NEGR1: variants seen among roughly 807,000 people sequenced by gnomAD.
The protein encoded by NEGR1 is IgLON family member 4.
NEGR1 carries 10 observed loss-of-function variants against 40.9 expected under a neutral mutation model. The ratio of observed to expected loss-of-function variants is 0.24; its 90% CI spans 0.15 to 0.42. The LOEUF is 0.42. NEGR1 is among the 10% of genes least tolerant of loss of function. The probability of loss-of-function intolerance (pLI) is 1.00; values close to 1 mark genes in which losing one functional copy is unlikely to be tolerated. For missense variants in NEGR1, 352 were observed against 438.9 expected (o/e 0.80, Z 1.77); for synonymous variants, 185 against 166.8 (o/e 1.11, Z -0.84).
intron 2 of NEGR1, among the ~76,000 whole-genome samples, chr1:71,800,805 T>C (rs1657528420): frequency 6.6e-6 from 1 of 152,160 alleles, no homozygotes; most frequent in South Asian, 2.1e-4. Context: ...TTTACCTTAA[T>C]TAGATCATTC....
At chr1:71,427,695 G>GTA (rs1646437302) in intron 6 of NEGR1, among the ~76,000 whole-genome samples, 1 of 152,142 alleles carries the variant, frequency 6.6e-6, no homozygotes, top group African/African-American at 2.4e-5. Context: ...TTTGTTAAGT[G>GTA]AGAATGCTAT....
intron 6 of NEGR1, among the ~76,000 whole-genome samples, chr1:71,434,919 G>A (rs867300105): frequency 3.4e-4 from 52 of 152,242 alleles, no homozygotes; most frequent in African/African-American, 9.6e-4. Context: ...GTGAAACCCC[G>A]TCTCTACTAA....
intron 1 of NEGR1, among the ~76,000 whole-genome samples, chr1:72,117,687 G>A (rs2100283154): frequency 6.6e-6 from 1 of 151,836 alleles, no homozygotes; most frequent in African/African-American, 2.4e-5. Context: ...CCCAGAGCCA[G>A]ACATTTATTC....
chr1:72,070,202 A>C (rs939080050), intron 1 of NEGR1, among the ~76,000 whole-genome samples: 1 of 152,078 alleles, frequency 6.6e-6, no homozygotes, highest in Non-Finnish European at 1.5e-5. Flanking sequence ...TTTAAATATA[A>C]TCTACAAAGG....
chr1:72,074,189 T>G (rs186567537), intron 1 of NEGR1, among the ~76,000 whole-genome samples: 1 of 152,092 alleles, frequency 6.6e-6, no homozygotes, highest in East Asian at 1.9e-4. Context: ...TGTTATTAGC[T>G]CCAAAACTGA....
At chr1:71,460,880 G>A (rs1459823701) in intron 6 of NEGR1, among the ~76,000 whole-genome samples, 4 of 151,874 alleles carry the variant, frequency 2.6e-5, no homozygotes, top group Admixed American at 2.0e-4. Context: ...ATATATTAAC[G>A]ATAAAAATAA....
intron 4 of NEGR1, among the ~76,000 whole-genome samples, chr1:71,686,775 G>T (rs1341116082): frequency 6.6e-6 from 1 of 152,156 alleles, no homozygotes; most frequent in Non-Finnish European, 1.5e-5. Flanking sequence ...GACTCCTAAA[G>T]AATTCACAAA....
rs571563923 is a variant in NEGR1, at chr1:72,089,443, C to T, written c.177-154132G>A. Among the ~76,000 whole-genome samples the T allele has an allele frequency of 3.3e-5, 5 of 152,236 alleles. No individual in the cohort carries two copies. In the East Asian group the frequency reaches 9.6e-4, roughly 29 times the overall value. On this transcript the variant is annotated intron_variant, in intron 1 of 6. Transcript: ENST00000357731. ...TTTTTAAAAGCATTACCTATTACCA[C>T]AAAGCTTATGTCATTTCCAAGCATG...
chr1:71,873,188 C>T, intron 2 of NEGR1, among the ~76,000 whole-genome samples: 1 of 145,168 alleles, frequency 6.9e-6, no homozygotes, highest in East Asian at 2.1e-4. Flanking sequence ...TAGAAAAGTT[C>T]ATTTATCTAC....
intron 1 of NEGR1, among the ~76,000 whole-genome samples, chr1:72,135,533 T>C (rs751202499): frequency 2.0e-5 from 3 of 150,264 alleles, no homozygotes; most frequent in Non-Finnish European, 3.0e-5. Context: ...TATGAATGCA[T>C]CAATTATTGC....
At chr1:71,413,051 C>T (rs1449761596) in intron 6 of NEGR1, among the ~76,000 whole-genome samples, 2 of 152,020 alleles carry the variant, frequency 1.3e-5, no homozygotes, top group Admixed American at 6.6e-5. Flanking sequence ...AGCTGGATGA[C>T]ATTGGTTCAA....
At chr1:71,429,444 T>C (rs763949304) in intron 6 of NEGR1, among the ~76,000 whole-genome samples, 11 of 152,224 alleles carry the variant, frequency 7.2e-5, no homozygotes, top group Non-Finnish European at 1.5e-4. Flanking sequence ...GATAAAAGAC[T>C]GGCTTGAATC....
chr1:71,903,223 G>A (rs940651416), intron 2 of NEGR1, among the ~76,000 whole-genome samples: 1 of 151,730 alleles, frequency 6.6e-6, no homozygotes, highest in Non-Finnish European at 1.5e-5. Context: ...GTTGACTTTT[G>A]ATGTCATTGT....
intron 1 of NEGR1, among the ~76,000 whole-genome samples, chr1:72,050,798 A>T (rs917453057): frequency 6.6e-5 from 10 of 151,496 alleles, no homozygotes; most frequent in African/African-American, 2.4e-4. Context: ...TGAGGCTCCT[A>T]TCTTGCTCTA....
intron 4 of NEGR1, among the ~76,000 whole-genome samples, chr1:71,645,842 T>C (rs915800534): frequency 6.6e-6 from 1 of 151,756 alleles, no homozygotes; most frequent in Non-Finnish European, 1.5e-5. Context: ...TGTAGAGAAG[T>C]TGAGTAATGA....
intron 2 of NEGR1, among the ~76,000 whole-genome samples, chr1:71,865,352 T>C (rs974895905): frequency 6.6e-6 from 1 of 152,200 alleles, no homozygotes; most frequent in Non-Finnish European, 1.5e-5. Context: ...CCATCAATGA[T>C]AGACTTGATA....
At chr1:71,761,534 G>A (rs1281639699) in intron 3 of NEGR1, among the ~76,000 whole-genome samples, 1 of 152,092 alleles carries the variant, frequency 6.6e-6, no homozygotes, top group Non-Finnish European at 1.5e-5. Flanking sequence ...TATAGCTGAG[G>A]TATATCCATA....
intron 2 of NEGR1, among the ~76,000 whole-genome samples, chr1:71,855,258 C>G (rs1204819269): frequency 6.6e-6 from 1 of 152,096 alleles, no homozygotes; most frequent in Non-Finnish European, 1.5e-5. Flanking sequence ...ACTCAAATCC[C>G]TGACCTGCCA....
intron 3 of NEGR1, among the ~76,000 whole-genome samples, chr1:71,774,903 C>A (rs1656450114): frequency 1.3e-5 from 2 of 152,186 alleles, no homozygotes; most frequent in African/African-American, 4.8e-5. Context: ...GACTTATAAT[C>A]TCTTTGGGAG....
Sources: gnomAD v4.1 joint callset for allele counts (sites outside exome capture counted in the v4.1 genomes callset) on GRCh38, gnomAD v4.1.1 for gene constraint, MANE v1.5 for transcripts, NCBI Gene and HGNC (gene_info 2026-07-23, HGNC 2026-07-21) for gene names.